The following DLGAP2 variants were observed in gnomAD, a reference collection of about 807,000 sequenced individuals.
The protein encoded by DLGAP2 is DLG associated protein 2.
Under a neutral mutation model 100.3 loss-of-function variants are expected in DLGAP2, and 26 were observed. The ratio of observed to expected loss-of-function variants is 0.26; its 90% CI spans 0.19 to 0.36. The LOEUF (loss-of-function observed/expected upper bound fraction) is 0.36, where lower values mean the gene tolerates loss of function less well. DLGAP2 is among the 10% of genes least tolerant of loss of function. DLGAP2 has a pLI of 1.00. For synonymous variants in DLGAP2, 886 were observed against 630.1 expected (o/e 1.41, Z -6.08); for missense variants, 1,858 against 1,453.2 (o/e 1.28, Z -4.53).
chr8:1,699,475 G>T (rs965238726), intron 14 of DLGAP2, among the ~76,000 whole-genome samples: 1 of 151,824 alleles, frequency 6.6e-6, no homozygotes, highest in Non-Finnish European at 1.5e-5. Flanking sequence ...TTAGCCAGGC[G>T]TGGTGGTGGG....
intron 2 of DLGAP2, among the ~76,000 whole-genome samples, chr8:1,149,814 C>T (rs1796667844): frequency 6.6e-6 from 1 of 152,028 alleles, no homozygotes; most frequent in Admixed American, 6.6e-5. Flanking sequence ...TGACTCGTCA[C>T]TTTCACTTTC....
intron 2 of DLGAP2, among the ~76,000 whole-genome samples, chr8:1,059,125 T>G (rs1192172357): frequency 1.3e-5 from 2 of 152,102 alleles, no homozygotes; most frequent in Non-Finnish European, 2.9e-5. Flanking sequence ...GTGGGAGTCC[T>G]AAAGCCAGCA....
chr8:1,684,216 T>G (rs529559545), intron 12 of DLGAP2, among the ~76,000 whole-genome samples: 15 of 151,858 alleles, frequency 9.9e-5, no homozygotes, highest in African/African-American at 3.4e-4. Context: ...ATGGATGAAC[T>G]TGATACTTTT....
At chr8:1,004,211 T>G (rs1283132344) in intron 2 of DLGAP2, among the ~76,000 whole-genome samples, 1 of 152,212 alleles carries the variant, frequency 6.6e-6, no homozygotes, top group African/African-American at 2.4e-5. Context: ...ATGAATGTTG[T>G]AGACTTGCAA....
At chr8:1,322,686 C>G (rs141108324) in intron 3 of DLGAP2, among the ~76,000 whole-genome samples, 3 of 152,206 alleles carry the variant, frequency 2.0e-5, no homozygotes, top group Admixed American at 1.3e-4. Flanking sequence ...TGCGTCCTGC[C>G]TCTGTGACTT....
At chr8:1,605,208 A>G (rs1796756820) in intron 6 of DLGAP2, among the ~76,000 whole-genome samples, 1 of 152,128 alleles carries the variant, frequency 6.6e-6, no homozygotes, top group Non-Finnish European at 1.5e-5. Flanking sequence ...GATGCACAGA[A>G]CCGAATGCAA....
chr8:1,340,069 C>A (rs4876169), intron 3 of DLGAP2, among the ~76,000 whole-genome samples: 67,275 of 152,068 alleles, frequency 0.44, 18,206 homozygotes, highest in African/African-American at 0.77. Context: ...CCCCTTTCTT[C>A]CACCATATGC....
rs199515816 is a variant in DLGAP2, at chr8:1,582,599, T to TC, written c.1442+16710dup. ...GGAAATGAAGTTCGTTCTTTTCTTT[T>TC]CCCCCGCCAAGATGGAGTCTCGCTC... is the stretch of plus-strand genomic sequence containing the variant. On this transcript the variant is annotated intron_variant, in intron 6 of 14. Coordinates refer to ENST00000637795, the MANE Select transcript of DLGAP2 (RefSeq NM_001346810.2). Among the ~76,000 whole-genome samples, 445 of 151,804 alleles carry TC rather than the reference T, an allele frequency of 2.9e-3. 2 individuals are homozygous for TC. Among genetic ancestry groups the TC allele is most frequent in the African/African-American group, 9.9e-3 (411 of 41,308 alleles).
chr8:1,316,253 C>T (rs1366746792), intron 3 of DLGAP2, among the ~76,000 whole-genome samples: 6 of 131,092 alleles, frequency 4.6e-5, no homozygotes, highest in African/African-American at 5.6e-5. Flanking sequence ...AACTCGGCAG[C>T]TTTTAAAAAT....
At chr8:1,161,776 C>T (rs929322966) in intron 2 of DLGAP2, among the ~76,000 whole-genome samples, 10 of 151,746 alleles carry the variant, frequency 6.6e-5, no homozygotes, top group African/African-American at 2.4e-4. Context: ...TGCCATGGTG[C>T]ACCCACGGGG....
Position 1,501,392 on chromosome 8 carries a change from C to G in DLGAP2, c.133C>G (p.Pro45Ala), listed in dbSNP as rs1409875938. 2.0e-6 allele frequency: 3 copies of G among 1,535,812 alleles called. No homozygotes were observed. The highest frequency in any genetic ancestry group is 1.4e-5 in the African/African-American group (1 of 73,140). ...EEEEAGDLVQ[P>A]GISFPGPAEE... ...GGAAGAAGCTGGAGACTTGGTCCAG[C>G]CGGGCATCAGCTTTCCGGGGCCGGC... Residue 45 changes from proline (P) to alanine (A), a missense_variant, in exon 4 of 15, where the codon CCG becomes GCG. Transcript: ENST00000637795.
chr8:983,397 G>C (rs987660282), intron 2 of DLGAP2, among the ~76,000 whole-genome samples: 1 of 151,258 alleles, frequency 6.6e-6, no homozygotes, highest in African/African-American at 2.4e-5. Flanking sequence ...AGGTCGTCGA[G>C]ATGTTCTTCT....
chr8:938,748 C>T (rs1799129563), intron 2 of DLGAP2, among the ~76,000 whole-genome samples: 1 of 152,154 alleles, frequency 6.6e-6, no homozygotes, highest in African/African-American at 2.4e-5. Context: ...TGGGCACGGC[C>T]AGCCAATGTT....
chr8:1,704,376 G>T lies in DLGAP2; in HGVS notation c.*2970G>T, dbSNP rs553254064. 6.6e-6 allele frequency: 1 copy of T among 152,172 alleles called. No homozygotes were observed. Among genetic ancestry groups the T allele is most frequent in the African/African-American group, 2.4e-5 (1 of 41,430 alleles). 9.4% of individuals were successfully genotyped at this position (152,172 alleles called of 1,614,324 possible). A position where few individuals can be genotyped will look rare whatever the true frequency, so the allele number is the denominator to read the frequency against. On this transcript the variant is annotated 3_prime_UTR_variant, in exon 15 of 15. Transcript: ENST00000637795. Reference sequence around the variant, plus strand: ...CAGACACTCTCCTTAGAGCCGACAGGTTGATCCTGCTGTGTTGAAGGCTGT... The same window carrying T: ...CAGACACTCTCCTTAGAGCCGACAGTTTGATCCTGCTGTGTTGAAGGCTGT...
chr8:782,962 G>C (rs143354346), intron 1 of DLGAP2, among the ~76,000 whole-genome samples: 5 of 152,300 alleles, frequency 3.3e-5, no homozygotes, highest in Non-Finnish European at 5.9e-5. Context: ...CGGGAAAGCT[G>C]GATTAGGATG....
intron 6 of DLGAP2, among the ~76,000 whole-genome samples, chr8:1,584,524 G>A (rs1419296830): frequency 6.6e-6 from 1 of 152,192 alleles, no homozygotes; most frequent in East Asian, 1.9e-4. Flanking sequence ...CAGCTGGAGG[G>A]AAGCGGAGGG....
At chr8:1,619,227 A>G (rs893695593) in intron 6 of DLGAP2, among the ~76,000 whole-genome samples, 2 of 152,248 alleles carry the variant, frequency 1.3e-5, no homozygotes, top group African/African-American at 4.8e-5. Context: ...CAAATGTCCA[A>G]TAAGAATTAG....
At chr8:1,498,190 G>A (rs1474468116) in intron 3 of DLGAP2, among the ~76,000 whole-genome samples, 1 of 152,134 alleles carries the variant, frequency 6.6e-6, no homozygotes, top group African/African-American at 2.4e-5. Flanking sequence ...GTGAAGATAA[G>A]GGGTTGTGGA....
chr8:1,187,045 C>T (rs1449776708), intron 2 of DLGAP2, among the ~76,000 whole-genome samples: 1 of 152,164 alleles, frequency 6.6e-6, no homozygotes, highest in Non-Finnish European at 1.5e-5. Flanking sequence ...TTCCCAGGCC[C>T]CAGAATCCCA....
Sources: gnomAD v4.1 joint callset for allele counts (sites outside exome capture counted in the v4.1 genomes callset) on GRCh38, gnomAD v4.1.1 for gene constraint, MANE v1.5 for transcripts, NCBI Gene and HGNC (gene_info 2026-07-23, HGNC 2026-07-21) for gene names.